CPA6: variants seen among roughly 807,000 people sequenced by gnomAD.
CPA6 encodes carboxypeptidase A6, also known as carboxypeptidase B.
CPA6 carries 58 observed loss-of-function variants against 63.3 expected under a neutral mutation model. That is an observed-to-expected ratio of 0.92 (90% CI 0.74 to 1.14). The LOEUF (loss-of-function observed/expected upper bound fraction) is 1.14. Ranked by LOEUF, CPA6 falls within the 50% of genes most tolerant of loss-of-function variation. The pLI, the probability that CPA6 is intolerant of heterozygous loss-of-function variation, is 0.00. For missense variants in CPA6, 565 were observed against 526.6 expected (o/e 1.07, Z -0.71); for synonymous variants, 185 against 179.0 (o/e 1.03, Z -0.27).
At chr8:67,637,458 A>G (rs1286610299) in intron 1 of CPA6, among the ~76,000 whole-genome samples, 6 of 151,666 alleles carry the variant, frequency 4.0e-5, no homozygotes, top group Non-Finnish European at 8.8e-5. Context: ...ATTGTGTGAA[A>G]TCATTGTATC....
intron 1 of CPA6, among the ~76,000 whole-genome samples, chr8:67,689,129 T>C (rs757920420): frequency 2.6e-5 from 4 of 152,096 alleles, no homozygotes; most frequent in Non-Finnish European, 5.9e-5. Context: ...ATTTCGTAAT[T>C]CAGTCTACTA....
At chr8:67,524,554 T>A (rs1025801720) in intron 2 of CPA6, among the ~76,000 whole-genome samples, 3 of 152,162 alleles carry the variant, frequency 2.0e-5, no homozygotes, top group African/African-American at 7.2e-5. Context: ...TGTCTTCTCC[T>A]CTTCTGTCAC....
At chr8:67,734,143 A>G (rs1817769735) in intron 1 of CPA6, among the ~76,000 whole-genome samples, 1 of 151,728 alleles carries the variant, frequency 6.6e-6, no homozygotes, top group Admixed American at 6.6e-5. Context: ...CTCTCAAAGT[A>G]CTGGGATTAC....
At chr8:67,710,758 G>A (rs376172244) in intron 1 of CPA6, among the ~76,000 whole-genome samples, 8 of 151,476 alleles carry the variant, frequency 5.3e-5, no homozygotes, top group South Asian at 2.1e-4. Flanking sequence ...TGTTGGGGGG[G>A]GCTTAGAATT....
At chr8:67,535,086 C>T (rs897613184) in intron 2 of CPA6, among the ~76,000 whole-genome samples, 39 of 152,028 alleles carry the variant, frequency 2.6e-4, no homozygotes, top group Admixed American at 2.4e-3. Context: ...GTATATGTGC[C>T]ACATTTTCTT....
intron 2 of CPA6, among the ~76,000 whole-genome samples, chr8:67,551,687 A>T (rs968503829): frequency 6.6e-6 from 1 of 152,090 alleles, no homozygotes; most frequent in Non-Finnish European, 1.5e-5. Context: ...TATATCATCT[A>T]TGATTTCTTT....
chr8:67,509,330 A>G (rs1393902), intron 5 of CPA6, among the ~76,000 whole-genome samples, 187 bp downstream of exon 5: 69,697 of 152,066 alleles, frequency 0.46, 17,601 homozygotes, highest in African/African-American at 0.7. Context: ...GTATTCTCTG[A>G]AATATCCAAT....
intron 1 of CPA6, among the ~76,000 whole-genome samples, chr8:67,688,423 A>G (rs951684515): frequency 1.3e-5 from 2 of 152,186 alleles, no homozygotes; most frequent in African/African-American, 4.8e-5. Flanking sequence ...GGTAAATACA[A>G]AGGGAACGCT....
intron 2 of CPA6, among the ~76,000 whole-genome samples, chr8:67,571,145 A>G (rs912557028): frequency 7.2e-5 from 11 of 152,246 alleles, no homozygotes; most frequent in Non-Finnish European, 1.5e-4. Context: ...CTTCATCAAG[A>G]GGACATAAAA....
At chr8:67,552,460 T>C (rs1374224752) in intron 2 of CPA6, among the ~76,000 whole-genome samples, 1 of 152,158 alleles carries the variant, frequency 6.6e-6, no homozygotes, top group Non-Finnish European at 1.5e-5. Context: ...GAAACACATC[T>C]TAGTACTTTT....
chr8:67,711,956 G>A (rs7842432), intron 1 of CPA6, among the ~76,000 whole-genome samples: 19,768 of 152,026 alleles, frequency 0.13, 1,856 homozygotes, highest in African/African-American at 0.26. Flanking sequence ...GGTCCAAGCC[G>A]ATCTGCACTG....
rs1328463977 is a variant in CPA6 at position 67,713,099 on chromosome 8, G to GTGTGTGTATA, written c.116+32914_116+32915insTATACACACA. On this transcript the variant is annotated intron_variant, in intron 1 of 10. Transcript: ENST00000297770. ...TGTGTGTGTATGTGTGTGTGTGTGT[G>GTGTGTGTATA]TATATATATATATATATATATATAT... is the stretch of plus-strand genomic sequence containing the variant. Among the ~76,000 whole-genome samples the GTGTGTGTATA allele has an allele frequency of 6.2e-4, 34 of 55,030 alleles. 1 individual carries two copies. Among genetic ancestry groups the GTGTGTGTATA allele is most frequent in the Admixed American group, 2.5e-3 (9 of 3,544 alleles). The allele number at this position is 55,030 out of a possible 152,430, so 36.1% of individuals were successfully genotyped here.
chr8:67,501,193 C>G (rs1023849874), intron 6 of CPA6, among the ~76,000 whole-genome samples: 5 of 152,088 alleles, frequency 3.3e-5, no homozygotes, highest in African/African-American at 1.2e-4. Flanking sequence ...ATCTCCCAAT[C>G]CATGAATGTG....
At chr8:67,436,900 G>T (rs1007406007) in intron 8 of CPA6, among the ~76,000 whole-genome samples, 2 of 152,168 alleles carry the variant, frequency 1.3e-5, no homozygotes, top group East Asian at 3.9e-4. Flanking sequence ...GTTCTGTGAT[G>T]TAGCCTAATT....
intron 2 of CPA6, among the ~76,000 whole-genome samples, chr8:67,537,275 A>G (rs1437964101): frequency 1.3e-5 from 2 of 152,162 alleles, no homozygotes; most frequent in Non-Finnish European, 2.9e-5. Context: ...GAATGGTACC[A>G]GCTCCTGTTT....
At chr8:67,715,697 T>C (rs1467420644) in intron 1 of CPA6, among the ~76,000 whole-genome samples, 1 of 152,252 alleles carries the variant, frequency 6.6e-6, no homozygotes, top group Non-Finnish European at 1.5e-5. Flanking sequence ...AGTTCTTTAA[T>C]AAATTTATAG....
chr8:67,472,199 G>T (rs1008904682), intron 8 of CPA6, among the ~76,000 whole-genome samples: 1 of 151,934 alleles, frequency 6.6e-6, no homozygotes, highest in African/African-American at 2.4e-5. Context: ...CTGAAACAGG[G>T]ACAATAAAAT....
chr8:67,568,504 A>C (rs909191387), intron 2 of CPA6, among the ~76,000 whole-genome samples: 1 of 152,218 alleles, frequency 6.6e-6, no homozygotes, highest in African/African-American at 2.4e-5. Flanking sequence ...CTAGAGATGA[A>C]GATTACAATG....
rs59003613 is a variant in CPA6 at position 67,472,375 on chromosome 8, T to TTTTTATTTTATTTTATTCTATTCTA, written c.838+11392_838+11393insTAGAATAGAATAAAATAAAATAAAA. 1.9e-4 allele frequency among the ~76,000 whole-genome samples: 13 copies of TTTTTATTTTATTTTATTCTATTCTA among 68,980 alleles called. No individual in the cohort carries two copies. In the East Asian group the frequency reaches 4.9e-3, roughly 26 times the overall value. 45.3% of individuals were successfully genotyped at this position (68,980 alleles called of 152,430 possible). On this transcript the variant is annotated intron_variant, in intron 8 of 10. Coordinates refer to ENST00000297770, the MANE Select transcript of CPA6 (RefSeq NM_020361.5). ...CTAAGTTATTTGTAAAAGATTTATT[T>TTTTTATTTTATTTTATTCTATTCTA]TTTTATTTTATTTTATTTTATTTTA... is the stretch of plus-strand genomic sequence containing the variant.
Sources: allele counts gnomAD v4.1 joint callset (sites outside exome capture counted in the v4.1 genomes callset), GRCh38; gene constraint gnomAD v4.1.1; transcripts MANE v1.5; gene names NCBI Gene and HGNC (gene_info 2026-07-23, HGNC 2026-07-21).